STX8: variants seen among roughly 807,000 people sequenced by gnomAD.
STX8 encodes syntaxin-8.
A neutral mutation model predicts 37.5 loss-of-function variants in STX8; 23 were observed. The observed-to-expected ratio is 0.61, with a 90% CI of 0.44 to 0.87. The LOEUF (loss-of-function observed/expected upper bound fraction) is 0.87. Among genes scored for constraint, STX8 ranks in the 40% least tolerant of loss-of-function variants. STX8 has a pLI of 0.00. For missense variants in STX8, 313 were observed against 284.7 expected (o/e 1.10, Z -0.71); for synonymous variants, 115 against 99.1 (o/e 1.16, Z -0.95).
rs111346589 is a variant in STX8 at position 9,396,603 on chromosome 17, G to A, written c.542-17950C>T. On this transcript the variant is annotated intron_variant, in intron 6 of 7. Coordinates refer to ENST00000306357, the MANE Select transcript of STX8 (RefSeq NM_004853.3). ...CGAGTGCCTGTAATCCCAGCTACTCGGGAGGCTGAGGCAGGAGATTCGCTT... is the reference window on the plus strand; with the variant it reads ...CGAGTGCCTGTAATCCCAGCTACTCAGGAGGCTGAGGCAGGAGATTCGCTT... Among the ~76,000 whole-genome samples, 330 of 151,972 alleles carry A rather than the reference G, an allele frequency of 2.2e-3. 1 individual carries two copies. Among genetic ancestry groups the A allele is most frequent in the Non-Finnish European group, 3.3e-3 (223 of 67,948 alleles).
intron 5 of STX8, among the ~76,000 whole-genome samples, chr17:9,492,277 A>T (rs952505043): frequency 6.6e-6 from 1 of 152,222 alleles, no homozygotes; most frequent in Non-Finnish European, 1.5e-5. Context: ...GAACTTCACA[A>T]TAAAAAAGAA....
intron 7 of STX8, among the ~76,000 whole-genome samples, chr17:9,311,841 TTC>T (rs772738468): frequency 6.6e-6 from 1 of 152,154 alleles, no homozygotes; most frequent in Non-Finnish European, 1.5e-5. Flanking sequence ...TAGTGTTAAA[TTC>T]TCTTTTTTTC....
At chr17:9,447,905 G>A (rs895437835) in intron 6 of STX8, among the ~76,000 whole-genome samples, 2 of 152,020 alleles carry the variant, frequency 1.3e-5, no homozygotes, top group African/African-American at 4.8e-5. Flanking sequence ...TTGGCCAGGT[G>A]CGGTGGCTTA....
intron 6 of STX8, among the ~76,000 whole-genome samples, chr17:9,462,459 C>G (rs911076174): frequency 2.6e-5 from 4 of 152,118 alleles, no homozygotes; most frequent in African/African-American, 9.7e-5. Context: ...CAGTGGCTCA[C>G]GCTTGTAATC....
At chr17:9,335,195 C>T (rs1230769056) in intron 7 of STX8, among the ~76,000 whole-genome samples, 1 of 152,236 alleles carries the variant, frequency 6.6e-6, no homozygotes, top group Non-Finnish European at 1.5e-5. Context: ...GGGAACAACA[C>T]AGCAGCAGGG....
At chr17:9,486,119 C>T (rs924212590) in intron 6 of STX8, among the ~76,000 whole-genome samples, 45 of 152,102 alleles carry the variant, frequency 3.0e-4, no homozygotes, top group African/African-American at 8.9e-4. Context: ...AATCAAGAAT[C>T]GTGATAATGA....
Position 9,450,483 on chromosome 17 carries a change from G to C in STX8, c.541+41346C>G, listed in dbSNP as rs1423233276. On this transcript the variant is annotated intron_variant, in intron 6 of 7. Transcript: ENST00000306357. ...AAATTCTCCAAGACCCATATATACG[G>C]ATGTGTGTGTGTTAGAGATAGAATC... 2.0e-5 allele frequency among the ~76,000 whole-genome samples: 3 copies of C among 151,678 alleles called. No individual in the cohort carries two copies. In the East Asian group the frequency reaches 5.8e-4, roughly 29 times the overall value.
intron 4 of STX8, among the ~76,000 whole-genome samples, chr17:9,520,130 T>C (rs1597721642): frequency 1.3e-5 from 2 of 152,330 alleles, no homozygotes; most frequent in Non-Finnish European, 2.9e-5. Flanking sequence ...ATTCAGTAAA[T>C]GTTTATGAAC....
intron 6 of STX8, among the ~76,000 whole-genome samples, chr17:9,410,623 T>C (rs1043890048): frequency 1.3e-5 from 2 of 152,208 alleles, no homozygotes; most frequent in Non-Finnish European, 2.9e-5. Flanking sequence ...CCTTGATCTT[T>C]CAAATGTTCA....
rs1309255898 is a variant in STX8, at chr17:9,566,992, G to A, written c.117+1379C>T. On this transcript the variant is annotated intron_variant, in intron 2 of 7. Transcript: ENST00000306357. ...TTGCAGGAACATGAATGGAGCTGAA[G>A]GCCATTATCCTTAGCAAACTAATGC... Among the ~76,000 whole-genome samples the A allele has an allele frequency of 7.2e-5, 11 of 152,258 alleles. No homozygotes were observed. The South Asian group carries it at 2.1e-3, about 29-fold the overall frequency.
At chr17:9,489,917 T>C (rs1456337523) in intron 6 of STX8, among the ~76,000 whole-genome samples, 3 of 152,116 alleles carry the variant, frequency 2.0e-5, no homozygotes, top group Non-Finnish European at 4.4e-5. Context: ...CTCAAACTCC[T>C]GACCTCGTGA....
chr17:9,387,804 A>T (rs1346270367), intron 6 of STX8, among the ~76,000 whole-genome samples: 1 of 152,190 alleles, frequency 6.6e-6, no homozygotes, highest in Non-Finnish European at 1.5e-5. Flanking sequence ...AAGAAAATCA[A>T]GTGCAAAATA....
chr17:9,487,295 A>C (rs908289172), intron 6 of STX8, among the ~76,000 whole-genome samples: 4 of 152,200 alleles, frequency 2.6e-5, no homozygotes, highest in African/African-American at 9.6e-5. Context: ...TGAAAACCAA[A>C]ATTCAGCAGG....
intron 4 of STX8, among the ~76,000 whole-genome samples, chr17:9,512,237 A>T (rs77998553): frequency 6.6e-6 from 1 of 152,174 alleles, no homozygotes. Context: ...AATAGAAAAA[A>T]ATCTTAAAAA....
chr17:9,459,667 C>G (rs1301342827), intron 6 of STX8, among the ~76,000 whole-genome samples: 1 of 152,174 alleles, frequency 6.6e-6, no homozygotes, highest in Non-Finnish European at 1.5e-5. Flanking sequence ...AGGCACCCAC[C>G]ACGACGTCCA....
chr17:9,517,994 G>A (rs1431122205), intron 4 of STX8, among the ~76,000 whole-genome samples: 2 of 152,074 alleles, frequency 1.3e-5, no homozygotes, highest in African/African-American at 4.8e-5. Context: ...GCTAGATTTA[G>A]AATTAATTCC....
At chr17:9,266,954 T>C (rs567248993) in intron 7 of STX8, among the ~76,000 whole-genome samples, 329 of 152,284 alleles carry the variant, frequency 2.2e-3, no homozygotes, top group Admixed American at 3.9e-3. Context: ...AAATGGGCTC[T>C]CCTGTGTTCA....
At chr17:9,252,134 G>A (rs1158446819) in intron 7 of STX8, among the ~76,000 whole-genome samples, 11 of 142,068 alleles carry the variant, frequency 7.7e-5, no homozygotes, top group Non-Finnish European at 1.2e-4. Context: ...GTGAAACCCC[G>A]TCTCTACTAA....
intron 7 of STX8, among the ~76,000 whole-genome samples, chr17:9,254,528 G>A (rs1015887249): frequency 3.3e-5 from 5 of 151,814 alleles, no homozygotes; most frequent in Admixed American, 6.6e-5. Flanking sequence ...CCCAAGTAGC[G>A]GGGATTACAG....
Sources: allele counts gnomAD v4.1 joint callset (sites outside exome capture counted in the v4.1 genomes callset), GRCh38; gene constraint gnomAD v4.1.1; transcripts MANE v1.5; gene names NCBI Gene and HGNC (gene_info 2026-07-23, HGNC 2026-07-21).